The following CCDC142 variants were observed in gnomAD, a reference collection of about 807,000 sequenced individuals.
CCDC142 encodes the protein coiled-coil domain containing 142.
CCDC142 carries 67 observed loss-of-function variants against 83.8 expected under a neutral mutation model. The ratio of observed to expected loss-of-function variants is 0.80; its 90% CI spans 0.66 to 0.98. CCDC142 has a LOEUF of 0.98. CCDC142 is among the 50% of genes least tolerant of loss of function. The pLI is 0.00. For missense variants in CCDC142, 905 were observed against 946.8 expected, an observed-to-expected ratio of 0.96 and a Z score of 0.58; for synonymous variants, 421 against 421.2, an observed-to-expected ratio of 1.00 and a Z score of 0.01.
At position 74,481,208 on chromosome 2, in the gene CCDC142, A is replaced by T; in HGVS notation, c.1258+15T>A. On this transcript the variant is annotated intron_variant, in intron 3 of 8. Coordinates refer to ENST00000393965, the MANE Select transcript of CCDC142 (RefSeq NM_001365575.2). ...TCAACTGCTCTGTGTCCCCAGCCCC[A>T]GCCCCTCGTCTCACCTGCAGGCTGG... The T allele has an allele frequency of 6.2e-7, 1 of 1,613,910 alleles. No individual in the cohort carries two copies. Among genetic ancestry groups the T allele is most frequent in the Non-Finnish European group, 8.5e-7 (1 of 1,179,912 alleles).
At position 74,482,997 on chromosome 2, in the gene CCDC142, C is replaced by G. The variant is rs1262632745; in HGVS notation, c.-160G>C. ...TCTCGTGCTCCGTAATGGGAGGCTTCTGCCCCTAACAAACATGGCCGCCCA... is the reference window on the plus strand; with the variant it reads ...TCTCGTGCTCCGTAATGGGAGGCTTGTGCCCCTAACAAACATGGCCGCCCA... On this transcript the variant is annotated 5_prime_UTR_variant, in exon 1 of 9. Coordinates refer to ENST00000393965, the MANE Select transcript of CCDC142 (RefSeq NM_001365575.2). The surrounding 1 kb of genome is among the most constrained non-coding windows in gnomAD (Gnocchi z 5.0). 3 of 1,588,174 alleles carry G rather than the reference C, an allele frequency of 1.9e-6. No individual in the cohort carries two copies. The highest frequency in any genetic ancestry group is 2.6e-6 in the Non-Finnish European group (3 of 1,157,434).
chr2:74,481,155 A>G, intron 3 of CCDC142, 68 bp downstream of exon 3: 1 of 1,611,192 alleles, frequency 6.2e-7, no homozygotes, highest in Non-Finnish European at 8.5e-7. Context: ...GGCAGATTTC[A>G]GAACAGAGTG....
In CCDC142 at chr2:74,482,567, G is replaced by A; in HGVS notation, c.271C>T (p.Leu91Phe). The change falls in exon 1 of 9, where the codon CTC becomes TTC. Residue 91 changes from leucine (L) to phenylalanine (F), a missense_variant. By Grantham distance (22) the Leu-to-Phe change is conservative. Transcript: ENST00000393965. This position sits in a 1 kb window ranked among gnomAD's most constrained non-coding sequence, Gnocchi z 5.0. Reference protein sequence around the residue: ...GGPIPPALQRLRAVLLRLHRE... With the variant: ...GGPIPPALQRFRAVLLRLHRE... ...TGCAGCCGCAGCAACACCGCCCGGAGACGCTGCAGCGCGGGAGGGATCGGG... is the reference window on the plus strand; with the variant it reads ...TGCAGCCGCAGCAACACCGCCCGGAAACGCTGCAGCGCGGGAGGGATCGGG... 6.2e-7 allele frequency: 1 copy of A among 1,602,574 alleles called. No individual in the cohort carries two copies. The highest frequency in any genetic ancestry group is 8.5e-7 in the Non-Finnish European group (1 of 1,173,820).
At position 74,473,893 on chromosome 2, in the gene CCDC142, C is replaced by T. The variant is rs2104003590; in HGVS notation, c.*653G>A. The T allele has an allele frequency of 6.6e-6, 1 of 151,544 alleles. No homozygotes were observed. Among genetic ancestry groups the T allele is most frequent in the East Asian group, 1.9e-4 (1 of 5,150 alleles). 9.4% of individuals were successfully genotyped at this position (151,544 alleles called of 1,614,324 possible). ...GTTCAAGCGATTCTCCTGCCTCAGC[C>T]TCCTGAGTAGCTGGGATTACAGGCA... On this transcript the variant is annotated 3_prime_UTR_variant, in exon 9 of 9. Coordinates refer to ENST00000393965, the MANE Select transcript of CCDC142 (RefSeq NM_001365575.2).
In CCDC142 at chr2:74,481,437, C is replaced by T. The variant is rs1672455236; in HGVS notation, c.1108+15G>A. ...CCTGGGACTTATGTCACCCCCAGTGCCCCTTCCTTCTCACCTTGGTCCCAG... is the reference window on the plus strand; with the variant it reads ...CCTGGGACTTATGTCACCCCCAGTGTCCCTTCCTTCTCACCTTGGTCCCAG... On this transcript the variant is annotated intron_variant, in intron 2 of 8. Transcript: ENST00000393965. 1.2e-6 allele frequency: 2 copies of T among 1,614,028 alleles called. No homozygotes were observed. Among genetic ancestry groups the T allele is most frequent in the Non-Finnish European group, 8.5e-7 (1 of 1,179,962 alleles).
At position 74,475,240 on chromosome 2, in the gene CCDC142, TGGGTAAGAA is replaced by T; in HGVS notation, c.1772_1780del (p.Ile591_His594delinsAsn). The T allele has an allele frequency of 6.2e-7, 1 of 1,614,126 alleles. No individual in the cohort carries two copies. Among genetic ancestry groups the T allele is most frequent in the Non-Finnish European group, 8.5e-7 (1 of 1,180,016 alleles). The stretch of plus-strand genomic sequence containing the variant: ...TACTCCTGACCTGAACCGAATCCCA[TGGGTAAGAA>T]TGTGGTCAAGCCAGGCACCCACGAT... On this transcript the variant is annotated inframe_deletion, in exon 7 of 9. Transcript: ENST00000393965.
At position 74,472,912 on chromosome 2, in the gene CCDC142, C is replaced by G; in HGVS notation, c.*1634G>C. On this transcript the variant is annotated 3_prime_UTR_variant, in exon 9 of 9. Transcript: ENST00000393965. ...TATCATGAATAGTCCTCTCATACGA[C>G]GGTGAAAACCATAAATAAATGGCGC... 1 of 556,272 alleles carries G rather than the reference C, an allele frequency of 1.8e-6. No homozygotes were observed. The highest frequency in any genetic ancestry group is 2.1e-5 in the South Asian group (1 of 48,184). The allele number at this position is 556,272 out of a possible 1,614,324, so 34.5% of individuals were successfully genotyped here.
Position 74,482,479 on chromosome 2 carries a change from C to A in CCDC142, c.359G>T (p.Arg120Leu). 1.3e-6 allele frequency: 2 copies of A among 1,551,522 alleles called. No individual in the cohort carries two copies. Among genetic ancestry groups the A allele is most frequent in the Non-Finnish European group, 1.7e-6 (2 of 1,146,180 alleles). ...GCCAGGACTCAGGGTCTTCATGAGTCGCACAGCCGACTGTAGGTGGTAGGC... is the reference window on the plus strand; with the variant it reads ...GCCAGGACTCAGGGTCTTCATGAGTAGCACAGCCGACTGTAGGTGGTAGGC... ...DCAYHLQSAV[R>L]LMKTLSPGSP... The change falls in exon 1 of 9, where the codon CGA becomes CTA. Residue 120 changes from arginine to leucine, a missense_variant. Coordinates refer to ENST00000393965, the MANE Select transcript of CCDC142 (RefSeq NM_001365575.2). This position sits in a 1 kb window ranked among gnomAD's most constrained non-coding sequence, Gnocchi z 5.0.
At position 74,482,812 on chromosome 2, in the gene CCDC142, C is replaced by T. The variant is rs1194337817; in HGVS notation, c.26G>A (p.Ser9Asn). The change falls in exon 1 of 9, where the codon AGC becomes AAC. Residue 9 changes from serine to asparagine, a missense_variant. By Grantham distance (46) the Ser-to-Asn change is conservative. Around this residue, in one of 3 missense-constraint regions of CCDC142, gnomAD observed 591 missense variants for 571.4 expected, o/e 1.03. Coordinates refer to ENST00000393965, the MANE Select transcript of CCDC142 (RefSeq NM_001365575.2). The surrounding 1 kb of genome is among the most constrained non-coding windows in gnomAD (Gnocchi z 5.0). MAQASRSG[S>N]LPPLVIVPPL... The stretch of plus-strand genomic sequence containing the variant: ...GGGCACGATAACGAGTGGAGGCAGG[C>T]TACCTGAGCGAGACGCCTGGGCCAT... 6.3e-7 allele frequency: 1 copy of T among 1,599,522 alleles called. No homozygotes were observed. Among genetic ancestry groups the T allele is most frequent in the Non-Finnish European group, 8.5e-7 (1 of 1,179,816 alleles).
In CCDC142 at chr2:74,481,210, C is replaced by T. The variant is rs762567045; in HGVS notation, c.1258+13G>A. The T allele has an allele frequency of 6.2e-7, 1 of 1,613,904 alleles. No homozygotes were observed. The highest frequency in any genetic ancestry group is 2.2e-5 in the East Asian group (1 of 44,886). On this transcript the variant is annotated intron_variant, in intron 3 of 8. Coordinates refer to ENST00000393965, the MANE Select transcript of CCDC142 (RefSeq NM_001365575.2). ...AACTGCTCTGTGTCCCCAGCCCCAG[C>T]CCCTCGTCTCACCTGCAGGCTGGCA...
Position 74,474,497 on chromosome 2 carries a change from A to G in CCDC142, c.*49T>C, listed in dbSNP as rs1461868828. The G allele has an allele frequency of 1.3e-6, 2 of 1,529,876 alleles. No homozygotes were observed. Among genetic ancestry groups the G allele is most frequent in the Non-Finnish European group, 1.7e-6 (2 of 1,145,094 alleles). The allele number at this position is 1,529,876 out of a possible 1,614,324, so 94.8% of individuals were successfully genotyped here. On this transcript the variant is annotated 3_prime_UTR_variant, in exon 9 of 9. Transcript: ENST00000393965. ...GCAATTCCAAATGTCTGGATTTTCCAGCTAGAGATGGGGAGCTCTTAACTT... is the reference window on the plus strand; with the variant it reads ...GCAATTCCAAATGTCTGGATTTTCCGGCTAGAGATGGGGAGCTCTTAACTT...
At position 74,481,042 on chromosome 2, in the gene CCDC142, A is replaced by C. The variant is rs1433233833; in HGVS notation, c.1303T>G (p.Leu435Val). The C allele has an allele frequency of 6.2e-7, 1 of 1,614,106 alleles. No individual in the cohort carries two copies. The highest frequency in any genetic ancestry group is 1.1e-5 in the South Asian group (1 of 91,084). The change falls in exon 4 of 9, where the codon TTG (leucine) becomes GTG (valine). Residue 435 changes from leucine (L) to valine (V), a missense_variant. By Grantham distance (32) the Leu-to-Val change is conservative. Coordinates refer to ENST00000393965, the MANE Select transcript of CCDC142 (RefSeq NM_001365575.2). ...ALGLCTLQTT[L>V]LWFLGRAQQY... is the part of the protein sequence containing the mutation. Reference sequence around the variant, plus strand: ...TGAGCTCTGCCCAGGAACCAGAGCAAGGTGGTCTGAAGGGTACAGAGACCT... The same window carrying C: ...TGAGCTCTGCCCAGGAACCAGAGCACGGTGGTCTGAAGGGTACAGAGACCT...
Position 74,474,507 on chromosome 2 carries a change from G to A in CCDC142, c.*39C>T. On this transcript the variant is annotated 3_prime_UTR_variant, in exon 9 of 9. Transcript: ENST00000393965. ...ATGTCTGGATTTTCCAGCTAGAGAT[G>A]GGGAGCTCTTAACTTTCTGGCTCCT... is the stretch of plus-strand genomic sequence containing the variant. 6.5e-7 allele frequency: 1 copy of A among 1,544,392 alleles called. No homozygotes were observed. The highest frequency in any genetic ancestry group is 2.3e-5 in the East Asian group (1 of 44,214).
At chr2:74,475,474 A>C (rs1672302777) in intron 6 of CCDC142, 72 bp from the exon 7 acceptor site, 1 of 1,505,426 alleles carries the variant, frequency 6.6e-7, no homozygotes, top group South Asian at 1.3e-5. Context: ...TTGGGAGAAG[A>C]GGGTAGGATT....
Position 74,475,355 on chromosome 2 carries a change from C to A in CCDC142, c.1666G>T (p.Val556Leu), listed in dbSNP as rs115899237. 3 of 1,606,844 alleles carry A rather than the reference C, an allele frequency of 1.9e-6. No individual in the cohort carries two copies. Among genetic ancestry groups the A allele is most frequent in the Non-Finnish European group, 2.6e-6 (3 of 1,176,116 alleles). Reference protein sequence around the residue: ...SEYAGLVVRTVLEPVLQGLQG... With the variant: ...SEYAGLVVRTLLEPVLQGLQG... ...AATCCTTGCAACACAGGCTCCAGTA[C>A]GGTGCGGACCACTAAACCAGCATAC... Residue 556 changes from valine (V) to leucine (L), a missense_variant, in exon 7 of 9, where the codon GTA (valine) becomes TTA (leucine). Physicochemically the swap from Val to Leu is conservative, Grantham distance 32. Around this residue, in one of 3 missense-constraint regions of CCDC142, gnomAD observed 265 missense variants for 288.9 expected, o/e 0.92. Coordinates refer to ENST00000393965, the MANE Select transcript of CCDC142 (RefSeq NM_001365575.2).
In CCDC142 at chr2:74,475,695, G is replaced by A. The variant is rs868754289; in HGVS notation, c.1535C>T (p.Ser512Phe). 2.5e-6 allele frequency: 4 copies of A among 1,614,014 alleles called. No homozygotes were observed. Among genetic ancestry groups the A allele is most frequent in the Non-Finnish European group, 3.4e-6 (4 of 1,179,908 alleles). The part of the protein sequence containing the change: ...LLPEESLSVF[S>F]QECHKQAMQG... ...CATGGCTTGTTTATGACATTCTTGA[G>A]AAAAGACACTTAGTGACTCTTCAGG... is the stretch of plus-strand genomic sequence containing the variant. Residue 512 changes from serine (S) to phenylalanine (F), a missense_variant, in exon 6 of 9, where the codon TCT (serine) becomes TTT (phenylalanine). By Grantham distance (155) the Ser-to-Phe change is radical (BLOSUM62 -2). Around this residue, in one of 3 missense-constraint regions of CCDC142, gnomAD observed 49 missense variants for 86.4 expected, o/e 0.57. Coordinates refer to ENST00000393965, the MANE Select transcript of CCDC142 (RefSeq NM_001365575.2).
chr2:74,481,309 G>C lies in CCDC142; in HGVS notation c.1172C>G (p.Thr391Ser). The C allele has an allele frequency of 6.2e-7, 1 of 1,614,170 alleles. No individual in the cohort carries two copies. Among genetic ancestry groups the C allele is most frequent in the Non-Finnish European group, 8.5e-7 (1 of 1,180,036 alleles). Residue 391 changes from threonine to serine, a missense_variant, in exon 3 of 9, where the codon ACT (threonine) becomes AGT (serine). Thr to Ser is a moderately conservative substitution (Grantham distance 58). Transcript: ENST00000393965. ...AAAGAGCTGCTGCAAAAGTTCAGCA[G>C]TGCCAGAGGATGTGGGAAGGCTGCT... ...GQSSLPTSSG[T>S]AELLQQLFPP...
At position 74,474,467 on chromosome 2, in the gene CCDC142, A is replaced by T; in HGVS notation, c.*79T>A. The T allele has an allele frequency of 3.4e-6, 5 of 1,474,906 alleles. No individual in the cohort carries two copies. The highest frequency in any genetic ancestry group is 3.6e-6 in the Non-Finnish European group (4 of 1,108,272). The allele number at this position is 1,474,906 out of a possible 1,614,324, so 91.4% of individuals were successfully genotyped here. ...CAAGCTTCCAGTTCTGGGCTTCCTTAATATGCAATTCCAAATGTCTGGATT... is the reference window on the plus strand; with the variant it reads ...CAAGCTTCCAGTTCTGGGCTTCCTTTATATGCAATTCCAAATGTCTGGATT... On this transcript the variant is annotated 3_prime_UTR_variant, in exon 9 of 9. Transcript: ENST00000393965.
chr2:74,482,775 CG>C lies in CCDC142; in HGVS notation c.62del (p.Ala21GlyfsTer43). The C allele has an allele frequency of 6.2e-7, 1 of 1,600,582 alleles. No individual in the cohort carries two copies. Among genetic ancestry groups the C allele is most frequent in the Non-Finnish European group, 8.5e-7 (1 of 1,179,924 alleles). On this transcript the variant is annotated frameshift_variant, in exon 1 of 9. Coordinates refer to ENST00000393965, the MANE Select transcript of CCDC142 (RefSeq NM_001365575.2). LOFTEE classifies it high-confidence loss of function. This position sits in a 1 kb window ranked among gnomAD's most constrained non-coding sequence, Gnocchi z 5.0. ...GCTCCTCCCCAGTGCCCCCGGGTTG[CG>C]CCCTCAGCGGGGGCACGATAACGAG... ...PPLVIVPPLR[A>X]QPGGTGEEQW... is the part of the protein sequence containing the mutation.
Sources: allele counts gnomAD v4.1 joint callset, GRCh38; gene constraint gnomAD v4.1.1; regional missense constraint gnomAD v4.1.1; non-coding constraint Gnocchi (gnomAD v3.1); transcripts MANE v1.5; gene names NCBI Gene and HGNC (gene_info 2026-07-23, HGNC 2026-07-21).